Variants in CABP1 observed in about 807,000 individuals in gnomAD.
CABP1 encodes the protein calcium-binding protein 1.
In CABP1, 17 loss-of-function variants were observed where a neutral mutation model predicts 34.3. The observed-to-expected ratio is 0.50, with a 90% CI of 0.34 to 0.74. The LOEUF is 0.74. CABP1 is among the 30% of genes least tolerant of loss of function. The pLI, the probability that CABP1 is intolerant of heterozygous loss-of-function variation, is 0.01. For missense variants in CABP1, 373 were observed against 511.1 expected, an observed-to-expected ratio of 0.73 and a Z score of 2.61; for synonymous variants, 198 against 229.2, an observed-to-expected ratio of 0.86 and a Z score of 1.23.
At chr12:120,680,759 C>G in the CABP1 span, among the ~76,000 whole-genome samples, 1 of 152,098 alleles carries the variant, frequency 6.6e-6, no homozygotes, top group African/African-American at 2.4e-5. Context: ...TAATCCTGCC[C>G]TGGGTTCAGG....
intron 5 of CABP1, among the ~76,000 whole-genome samples, chr12:120,663,425 C>A (rs937201789): frequency 1.3e-5 from 2 of 151,916 alleles, no homozygotes; most frequent in African/African-American, 4.8e-5. Context: ...TAGGGGTGCA[C>A]CACCATGCCT....
rs11065186 is a variant in CABP1 at position 120,648,639 on chromosome 12, G to A, written c.654+7300G>A. Among the ~76,000 whole-genome samples, 3,803 of 152,140 alleles carry A rather than the reference G, an allele frequency of 0.025. 225 individuals are homozygous for A. In the East Asian group the frequency reaches 0.26, roughly 10 times the overall value. ...CTCATGTCTGTAATCCCAGCACTTC[G>A]GGAGGCCAAGGCAGGTGGATCACCT... is the stretch of plus-strand genomic sequence containing the variant. On this transcript the variant is annotated intron_variant, in intron 1 of 5. Transcript: ENST00000316803.
Position 120,660,113 on chromosome 12 carries a change from C to T in CABP1, c.686-83C>T, listed in dbSNP as rs1472968895. On this transcript the variant is annotated intron_variant, in intron 2 of 5. Coordinates refer to ENST00000316803, the MANE Select transcript of CABP1 (RefSeq NM_001033677.2). This position sits in a 1 kb window ranked among gnomAD's most constrained non-coding sequence, Gnocchi z 5.0. ...AGCTCCTGGGCCTCTCTTTCCATGCCGGTGGGCCTTTGGGCTGCCTTTGCC... is the reference window on the plus strand; with the variant it reads ...AGCTCCTGGGCCTCTCTTTCCATGCTGGTGGGCCTTTGGGCTGCCTTTGCC... 1.0e-5 allele frequency: 16 copies of T among 1,549,712 alleles called. No individual in the cohort carries two copies. Among genetic ancestry groups the T allele is most frequent in the Admixed American group, 5.3e-5 (3 of 56,306 alleles).
chr12:120,658,545 A>G (rs1255250012), intron 1 of CABP1, among the ~76,000 whole-genome samples: 3 of 152,146 alleles, frequency 2.0e-5, no homozygotes, highest in African/African-American at 7.2e-5. Flanking sequence ...GTCCTGCCAC[A>G]CAGAGCTACC....
intron 5 of CABP1, among the ~76,000 whole-genome samples, chr12:120,665,846 C>T (rs1055716709): frequency 2.6e-5 from 4 of 151,466 alleles, no homozygotes; most frequent in African/African-American, 9.7e-5. Flanking sequence ...ATGGTGAAAC[C>T]CCATCTCTAT....
intron 5 of CABP1, among the ~76,000 whole-genome samples, chr12:120,665,652 G>A (rs943964378): frequency 2.2e-4 from 33 of 151,976 alleles, no homozygotes; most frequent in Non-Finnish European, 4.3e-4. Flanking sequence ...ATGCGTATGC[G>A]GGGACAGGGG....
intron 5 of CABP1, among the ~76,000 whole-genome samples, chr12:120,664,185 G>GCTAAGAT (rs1468237843): frequency 6.6e-6 from 1 of 152,206 alleles, no homozygotes; most frequent in African/African-American, 2.4e-5. Flanking sequence ...TCTGCTGTGT[G>GCTAAGAT]CTAAGATCTG....
chr12:120,641,349 G>A lies in CABP1; in HGVS notation c.654+10G>A. The A allele has an allele frequency of 1.6e-6, 2 of 1,277,098 alleles. No individual in the cohort carries two copies. The highest frequency in any genetic ancestry group is 6.2e-5 in the East Asian group (2 of 32,078). 79.1% of individuals were successfully genotyped at this position (1,277,098 alleles called of 1,614,324 possible). The stretch of plus-strand genomic sequence containing the variant: ...CTCCGCCTTTGGCCAGGTAAGGGCC[G>A]CGCCTCCCGTCAGCGCTCCCGGGAA... On this transcript the variant is annotated intron_variant, in intron 1 of 5. Coordinates refer to ENST00000316803, the MANE Select transcript of CABP1 (RefSeq NM_001033677.2). The surrounding 1 kb of genome is among the most constrained non-coding windows in gnomAD (Gnocchi z 6.7).
intron 5 of CABP1, chr12:120,662,269 A>T (rs534997447): frequency 6.6e-6 from 1 of 152,342 alleles, no homozygotes; most frequent in East Asian, 1.9e-4. Context: ...TCCTTCATTC[A>T]CACTCCACCA....
the CABP1 span, among the ~76,000 whole-genome samples, chr12:120,680,660 G>A: frequency 6.6e-6 from 1 of 152,178 alleles, no homozygotes; most frequent in Admixed American, 6.5e-5. Flanking sequence ...AGCTTTCCCA[G>A]GGCTCAGACT....
At chr12:120,656,850 G>A (rs1272621761) in intron 1 of CABP1, among the ~76,000 whole-genome samples, 8 of 152,140 alleles carry the variant, frequency 5.3e-5, no homozygotes, top group East Asian at 1.9e-4. Flanking sequence ...AGCCAAGGTC[G>A]CGCCATGGCA....
chr12:120,656,332 C>A, intron 1 of CABP1: 2 of 1,445,162 alleles, frequency 1.4e-6, no homozygotes, highest in Non-Finnish European at 1.8e-6. Flanking sequence ...TGAGGAGGTG[C>A]TGGGATGAAG....
the CABP1 span, among the ~76,000 whole-genome samples, chr12:120,675,151 C>G: frequency 7.2e-4 from 110 of 152,000 alleles, 1 homozygote; most frequent in Non-Finnish European, 1.4e-3. Flanking sequence ...TTCCTGGGTT[C>G]AAGTGATTCT....
the CABP1 span, among the ~76,000 whole-genome samples, chr12:120,678,080 G>C: frequency 9.3e-3 from 1,419 of 152,274 alleles, 32 homozygotes; most frequent in African/African-American, 0.032. Flanking sequence ...ACTCCCAGAG[G>C]CCCAAGGTGA....
Position 120,661,408 on chromosome 12 carries a change from T to C in CABP1, c.1087+190T>C, listed in dbSNP as rs180892064. ...CATCCCTTCCCCATGCATCTATTCA[T>C]GCATCTGTCCATCCATCTATCCATC... On this transcript the variant is annotated intron_variant, in intron 5 of 5. Coordinates refer to ENST00000316803, the MANE Select transcript of CABP1 (RefSeq NM_001033677.2). This position sits in a 1 kb window ranked among gnomAD's most constrained non-coding sequence, Gnocchi z 5.1. The C allele has an allele frequency of 5.5e-5, 33 of 595,404 alleles. No individual in the cohort carries two copies. The African/African-American group carries it at 5.6e-4, about 10-fold the overall frequency. The allele number at this position is 595,404 out of a possible 1,614,324, so 36.9% of individuals were successfully genotyped here. A position where few individuals can be genotyped will look rare whatever the true frequency, so the allele number is the denominator to read the frequency against.
downstream of CABP1, among the ~76,000 whole-genome samples, chr12:120,671,947 AG>A (rs1397272367): frequency 6.6e-6 from 1 of 152,214 alleles, no homozygotes; most frequent in Admixed American, 6.5e-5. Context: ...ATGTACCTGT[AG>A]TCCCAGCTAC....
chr12:120,668,463 A>G (rs534523193), downstream of CABP1, among the ~76,000 whole-genome samples: 8 of 152,196 alleles, frequency 5.3e-5, no homozygotes, highest in African/African-American at 1.4e-4. Context: ...GACTCCGTCT[A>G]AAAAAAGAAA....
downstream of CABP1, chr12:120,667,457 GAGA>G (rs1393140167): frequency 1.9e-5 from 3 of 158,364 alleles, no homozygotes; most frequent in African/African-American, 7.3e-5. Flanking sequence ...TATTTATTTC[GAGA>G]AGAAGTCAAA....
At chr12:120,674,028 T>C in the CABP1 span, among the ~76,000 whole-genome samples, 1 of 151,840 alleles carries the variant, frequency 6.6e-6, no homozygotes, top group Non-Finnish European at 1.5e-5. Context: ...TTTTAAAAAA[T>C]TAAAAATTAG....
Sources: allele counts gnomAD v4.1 joint callset (sites outside exome capture counted in the v4.1 genomes callset), GRCh38; gene constraint gnomAD v4.1.1; non-coding constraint Gnocchi (gnomAD v3.1); transcripts MANE v1.5; gene names NCBI Gene and HGNC (gene_info 2026-07-23, HGNC 2026-07-21).